SLK: variants seen among roughly 807,000 people sequenced by gnomAD.
SLK encodes the protein STE20-like serine/threonine-protein kinase.
Under a neutral mutation model 147.7 loss-of-function variants are expected in SLK, and 67 were observed. The ratio of observed to expected loss-of-function variants is 0.45; its 90% CI spans 0.37 to 0.56. The LOEUF is 0.56. SLK is among the 20% of genes least tolerant of loss of function. SLK has a pLI of 0.00. For missense variants in SLK, 1,136 were observed against 1,438.8 expected (o/e 0.79, Z 3.41); for synonymous variants, 441 against 475.0 (o/e 0.93, Z 0.93).
chr10:104,002,728 A>G lies in SLK; in HGVS notation c.1550A>G (p.Asp517Gly). The G allele has an allele frequency of 6.2e-7, 1 of 1,613,662 alleles. No homozygotes were observed. Among genetic ancestry groups the G allele is most frequent in the Non-Finnish European group, 8.5e-7 (1 of 1,179,878 alleles). ...GEKEANIQAV[D>G]SEVGLTKEDT... ...AAAGAGGCAAATATTCAGGCAGTTG[A>G]TAGTGAAGTTGGGCTTACAAAGGAA... is the stretch of plus-strand genomic sequence containing the variant. The change falls in exon 9 of 19, where the codon GAT becomes GGT. Residue 517 changes from aspartate (D) to glycine (G), a missense_variant. Transcript: ENST00000369755.
chr10:104,001,045 T>G, intron 7 of SLK, among the ~76,000 whole-genome samples: 1 of 109,372 alleles, frequency 9.1e-6, no homozygotes, highest in African/African-American at 3.8e-5. Context: ...AGTGATAGAG[T>G]GAGACTCCGT....
chr10:104,002,961 G>C lies in SLK; in HGVS notation c.1783G>C (p.Gly595Arg). 3 of 1,613,658 alleles carry C rather than the reference G, an allele frequency of 1.9e-6. No individual in the cohort carries two copies. The highest frequency in any genetic ancestry group is 2.7e-5 in the African/African-American group (2 of 74,998). The part of the protein sequence containing the change: ...INKPMVGPEA[G>R]GTKEVPIKEI... ...TAAGCCCATGGTGGGTCCTGAGGCT[G>C]GTGGTACTAAGGAAGTTCCTATTAA... Residue 595 changes from glycine to arginine, a missense_variant, in exon 9 of 19, where the codon GGT (glycine) becomes CGT (arginine). Gly to Arg is a moderately radical substitution (Grantham distance 125). Transcript: ENST00000369755.
chr10:103,975,253 G>C (rs1436423852), intron 1 of SLK, among the ~76,000 whole-genome samples: 1 of 151,928 alleles, frequency 6.6e-6, no homozygotes. Context: ...ATGTCTCACA[G>C]ATACCTTAAA....
At chr10:103,998,807 T>G in intron 4 of SLK, 92 bp from the exon 5 acceptor site, 1 of 788,486 alleles carries the variant, frequency 1.3e-6, no homozygotes, top group Non-Finnish European at 2.1e-6. Flanking sequence ...AAGATTAGCC[T>G]TATTAAAGAC....
intron 1 of SLK, among the ~76,000 whole-genome samples, chr10:103,979,047 ACT>A (rs2134451164): frequency 6.6e-6 from 1 of 152,214 alleles, no homozygotes; most frequent in South Asian, 2.1e-4. Context: ...ACAGGGTCTC[ACT>A]CTGTCGCCCA....
intron 2 of SLK, 127 bp downstream of exon 2, chr10:103,990,966 T>C (rs1844085347): frequency 4.3e-6 from 2 of 464,954 alleles, no homozygotes; most frequent in East Asian, 7.2e-5. Context: ...GTCACTTGAA[T>C]GAGAGTTGAT....
chr10:104,009,147 A>G (rs1396804468), intron 12 of SLK, among the ~76,000 whole-genome samples: 3 of 152,092 alleles, frequency 2.0e-5, no homozygotes, highest in African/African-American at 4.8e-5. Context: ...CATGTAGGTA[A>G]TTTTCAGAGA....
chr10:103,985,903 T>C (rs549429630), intron 1 of SLK, among the ~76,000 whole-genome samples: 9 of 152,334 alleles, frequency 5.9e-5, no homozygotes, highest in Admixed American at 3.3e-4. Context: ...AGACAACTTA[T>C]GTTTCCCAGT....
chr10:103,979,498 C>T (rs900899871), intron 1 of SLK, among the ~76,000 whole-genome samples: 1 of 152,090 alleles, frequency 6.6e-6, no homozygotes, highest in Admixed American at 6.5e-5. Context: ...TAAAGAATGG[C>T]CAAGAAACTA....
chr10:103,986,679 T>TC (rs1211493273), intron 1 of SLK, among the ~76,000 whole-genome samples: 1 of 141,464 alleles, frequency 7.1e-6, no homozygotes, highest in Admixed American at 7.1e-5. Context: ...TTTTTTTTTT[T>TC]TTTTTTTTTT....
At chr10:103,993,763 AAGTC>A in intron 4 of SLK, among the ~76,000 whole-genome samples, 1 of 152,364 alleles carries the variant, frequency 6.6e-6, no homozygotes, top group South Asian at 2.1e-4. Context: ...TCTAGAGATG[AAGTC>A]CAAATTTGTA....
chr10:104,008,467 C>A, intron 12 of SLK, 111 bp downstream of exon 12: 1 of 689,736 alleles, frequency 1.4e-6, no homozygotes, highest in Non-Finnish European at 2.4e-6. Context: ...TAAATAGCAC[C>A]TATTCATTCT....
intron 1 of SLK, among the ~76,000 whole-genome samples, chr10:103,982,804 C>G (rs946187891): frequency 5.9e-5 from 9 of 152,334 alleles, no homozygotes; most frequent in Admixed American, 2.6e-4. Context: ...CTTGATTTCA[C>G]CTCTCATGAA....
intron 2 of SLK, among the ~76,000 whole-genome samples, chr10:103,991,617 G>T (rs1372531983): frequency 6.6e-6 from 1 of 151,738 alleles, no homozygotes; most frequent in African/African-American, 2.4e-5. Flanking sequence ...TTATGAGTCT[G>T]TTTACTCATC....
intron 13 of SLK, among the ~76,000 whole-genome samples, chr10:104,012,674 C>G (rs1032238382): frequency 3.3e-5 from 5 of 152,268 alleles, no homozygotes; most frequent in African/African-American, 9.6e-5. Context: ...ACATGTTTCA[C>G]ACACTGATTC....
At chr10:104,001,350 A>AT in intron 7 of SLK, 94 bp from the exon 8 acceptor site, 2 of 993,854 alleles carry the variant, frequency 2.0e-6, no homozygotes, top group East Asian at 4.9e-5. Flanking sequence ...ACATGTTCAT[A>AT]TTTTTTACCA....
chr10:104,023,504 A>G (rs1016278227), intron 18 of SLK, among the ~76,000 whole-genome samples: 1 of 152,204 alleles, frequency 6.6e-6, no homozygotes, highest in Non-Finnish European at 1.5e-5. Context: ...TTGTTTATAT[A>G]GCAGTTATCT....
At chr10:103,976,376 A>G (rs1843871305) in intron 1 of SLK, among the ~76,000 whole-genome samples, 2 of 152,154 alleles carry the variant, frequency 1.3e-5, no homozygotes, top group South Asian at 2.1e-4. Flanking sequence ...TCAGTAGGGT[A>G]TGGGAGTTTT....
intron 1 of SLK, among the ~76,000 whole-genome samples, chr10:103,983,578 G>A (rs1843973782): frequency 6.6e-6 from 1 of 152,122 alleles, no homozygotes; most frequent in Non-Finnish European, 1.5e-5. Context: ...GAGGCTGCAA[G>A]GAGAAGGAGG....
Sources: gnomAD v4.1 joint callset for allele counts (sites outside exome capture counted in the v4.1 genomes callset) on GRCh38, gnomAD v4.1.1 for gene constraint, MANE v1.5 for transcripts, NCBI Gene and HGNC (gene_info 2026-07-23, HGNC 2026-07-21) for gene names.